The following PTPRO variants were observed in gnomAD, a reference collection of about 807,000 sequenced individuals.
The protein encoded by PTPRO is protein tyrosine phosphatase receptor type O.
PTPRO carries 62 observed loss-of-function variants against 145.2 expected under a neutral mutation model. The observed-to-expected ratio is 0.43, with a 90% CI of 0.35 to 0.53. PTPRO has a LOEUF of 0.53. Among genes scored for constraint, PTPRO ranks in the 20% least tolerant of loss-of-function variants. PTPRO has a pLI of 0.01. For synonymous variants in PTPRO, 565 were observed against 514.7 expected, an observed-to-expected ratio of 1.10 and a Z score of -1.32; for missense variants, 1,345 against 1,482.7, an observed-to-expected ratio of 0.91 and a Z score of 1.53.
intron 9 of PTPRO, among the ~76,000 whole-genome samples, chr12:15,519,750 G>A: frequency 6.6e-6 from 1 of 152,198 alleles, no homozygotes; most frequent in African/African-American, 2.4e-5. Flanking sequence ...TTTGAAAAGT[G>A]TGGGTTACCC....
In PTPRO at chr12:15,565,527, G is replaced by A. The variant is rs149859891; in HGVS notation, c.2712-66G>A. On this transcript the variant is annotated intron_variant, in intron 17 of 26. Coordinates refer to ENST00000281171, the MANE Select transcript of PTPRO (RefSeq NM_030667.3). ...GATGTAATTATTTAAAGCTGTTCAA[G>A]TTTAATTATTATGTTAATCAATTCT... 405 of 1,090,544 alleles carry A rather than the reference G, an allele frequency of 3.7e-4. 1 individual carries two copies. The highest frequency in any genetic ancestry group is 5.3e-4 in the Non-Finnish European group (382 of 717,788). 67.6% of individuals were successfully genotyped at this position (1,090,544 alleles called of 1,614,324 possible).
chr12:15,432,159 C>T (rs1030535743), intron 1 of PTPRO, among the ~76,000 whole-genome samples: 1 of 152,146 alleles, frequency 6.6e-6, no homozygotes, highest in Non-Finnish European at 1.5e-5. Context: ...CTCTCACCCA[C>T]CACCCTGATG....
At position 15,505,871 on chromosome 12, in the gene PTPRO, T is replaced by C. The variant is rs529800491; in HGVS notation, c.1267+1802T>C. Among the ~76,000 whole-genome samples the C allele has an allele frequency of 4.3e-4, 65 of 152,360 alleles. 1 individual carries two copies. The highest frequency in any genetic ancestry group is 1.4e-3 in the African/African-American group (60 of 41,592). ...GTCGTTGCATTATAATTTACATTTA[T>C]GTAGCTTTGAATGCCTTCCCAGAGA... is the stretch of plus-strand genomic sequence containing the variant. On this transcript the variant is annotated intron_variant, in intron 6 of 26. Transcript: ENST00000281171.
At chr12:15,499,807 T>A (rs186261199) in intron 4 of PTPRO, among the ~76,000 whole-genome samples, 1 of 152,272 alleles carries the variant, frequency 6.6e-6, no homozygotes, top group African/African-American at 2.4e-5. Context: ...AATCATAGAT[T>A]TCTAATCTTT....
chr12:15,555,162 TG>T (rs556644036), intron 15 of PTPRO, among the ~76,000 whole-genome samples: 5 of 151,880 alleles, frequency 3.3e-5, no homozygotes, highest in Admixed American at 6.6e-5. Context: ...CGCTTGGACT[TG>T]GGGGGCGGAG....
At chr12:15,513,182 AAAGAAAGAAAGAAAG>A (rs1565675803) in intron 7 of PTPRO, among the ~76,000 whole-genome samples, 9 of 112,544 alleles carry the variant, frequency 8.0e-5, no homozygotes, top group African/African-American at 2.8e-4. Flanking sequence ...AGAAAGAAAG[AAAGAAAGAAAGAAAG>A]AAAGAAAGAA....
At chr12:15,371,308 T>C (rs2136259056) in intron 1 of PTPRO, among the ~76,000 whole-genome samples, 1 of 151,992 alleles carries the variant, frequency 6.6e-6, no homozygotes, top group South Asian at 2.1e-4. Flanking sequence ...TCTCGGCTCA[T>C]TGCAACCTCT....
At chr12:15,495,581 C>T (rs1488324960) in intron 2 of PTPRO, among the ~76,000 whole-genome samples, 1 of 151,606 alleles carries the variant, frequency 6.6e-6, no homozygotes, top group Admixed American at 6.6e-5. Flanking sequence ...AACCTAAAAT[C>T]GTCAAAAGGG....
chr12:15,504,803 C>A (rs1942289322), intron 6 of PTPRO, among the ~76,000 whole-genome samples: 1 of 152,172 alleles, frequency 6.6e-6, no homozygotes, highest in Non-Finnish European at 1.5e-5. Context: ...AGGATAACCA[C>A]CACATATCCT....
intron 1 of PTPRO, among the ~76,000 whole-genome samples, chr12:15,418,852 T>A (rs1005849812): frequency 6.6e-6 from 1 of 151,726 alleles, no homozygotes; most frequent in Non-Finnish European, 1.5e-5. Flanking sequence ...TTTTATTAAA[T>A]GATATTCATA....
At chr12:15,454,065 C>T (rs574257976) in intron 1 of PTPRO, among the ~76,000 whole-genome samples, 66 of 152,232 alleles carry the variant, frequency 4.3e-4, no homozygotes, top group Non-Finnish European at 7.5e-4. Flanking sequence ...CTTCAAGATC[C>T]TGATTTCAAT....
intron 5 of PTPRO, 142 bp from the exon 6 acceptor site, chr12:15,503,766 T>C: frequency 1.6e-6 from 1 of 627,602 alleles, no homozygotes; most frequent in African/African-American, 1.8e-5. Flanking sequence ...TAATGGTACC[T>C]TTAGTTTAGA....
Position 15,381,219 on chromosome 12 carries a change from G to A in PTPRO, c.75+58418G>A, listed in dbSNP as rs575168437. ...TTAAGATTCTTGTTTTATCTACATC[G>A]CAAAGTTTATTCTTCAGTTTTTGCA... On this transcript the variant is annotated intron_variant, in intron 1 of 26. Coordinates refer to ENST00000281171, the MANE Select transcript of PTPRO (RefSeq NM_030667.3). 7.2e-5 allele frequency among the ~76,000 whole-genome samples: 11 copies of A among 152,060 alleles called. No individual in the cohort carries two copies. In the East Asian group the frequency reaches 7.7e-4, roughly 11 times the overall value.
At position 15,379,335 on chromosome 12, in the gene PTPRO, A is replaced by G. The variant is rs561525800; in HGVS notation, c.75+56534A>G. Among the ~76,000 whole-genome samples the G allele has an allele frequency of 2.7e-5, 4 of 150,766 alleles. No individual in the cohort carries two copies. In the South Asian group the frequency reaches 8.4e-4, roughly 32 times the overall value. Reference sequence around the variant, plus strand: ...GGAGTTCAAGACCAGCCTTGCCAACATGGTGAAACCCCTGTCTCTACTAAA... The same window carrying G: ...GGAGTTCAAGACCAGCCTTGCCAACGTGGTGAAACCCCTGTCTCTACTAAA... On this transcript the variant is annotated intron_variant, in intron 1 of 26. Transcript: ENST00000281171.
chr12:15,502,189 A>G, intron 5 of PTPRO, 126 bp downstream of exon 5: 2 of 961,796 alleles, frequency 2.1e-6, no homozygotes. Flanking sequence ...ATGGTAATGA[A>G]AGGGGAGAAT....
intron 1 of PTPRO, among the ~76,000 whole-genome samples, chr12:15,420,040 G>C (rs1373034950): frequency 2.7e-5 from 4 of 150,892 alleles, no homozygotes; most frequent in Non-Finnish European, 5.9e-5. Flanking sequence ...CCAGCTACTC[G>C]GGAGGCTGAG....
chr12:15,360,822 G>A (rs1177517898), intron 1 of PTPRO, among the ~76,000 whole-genome samples: 2 of 127,740 alleles, frequency 1.6e-5, no homozygotes, highest in South Asian at 2.6e-4. Flanking sequence ...GTGTATATAT[G>A]TGTGTGTATA....
chr12:15,485,990 A>G (rs886315677), intron 2 of PTPRO, among the ~76,000 whole-genome samples: 7 of 152,136 alleles, frequency 4.6e-5, no homozygotes, highest in African/African-American at 1.7e-4. Flanking sequence ...GGGTCCAAAT[A>G]TGGTCTTTCT....
Position 15,457,642 on chromosome 12 carries a change from A to G in PTPRO, c.76-26332A>G, listed in dbSNP as rs546586964. Among the ~76,000 whole-genome samples the G allele has an allele frequency of 5.3e-3, 808 of 152,094 alleles. 6 individuals are homozygous for G. Among genetic ancestry groups the G allele is most frequent in the Non-Finnish European group, 7.8e-3 (532 of 67,974 alleles). On this transcript the variant is annotated intron_variant, in intron 1 of 26. Coordinates refer to ENST00000281171, the MANE Select transcript of PTPRO (RefSeq NM_030667.3). Reference sequence around the variant, plus strand: ...GAAATTTTATATTGATATTTTATGTAGGTATTATCTTTGTGGTTACCAAAG... The same window carrying G: ...GAAATTTTATATTGATATTTTATGTGGGTATTATCTTTGTGGTTACCAAAG...
Sources: gnomAD v4.1 joint callset for allele counts (sites outside exome capture counted in the v4.1 genomes callset) on GRCh38, gnomAD v4.1.1 for gene constraint, MANE v1.5 for transcripts, NCBI Gene and HGNC (gene_info 2026-07-23, HGNC 2026-07-21) for gene names.